The following LAMA2 variants were observed in gnomAD, a reference collection of about 807,000 sequenced individuals.
LAMA2 encodes laminin subunit alpha-2.
Under a neutral mutation model 364.8 loss-of-function variants are expected in LAMA2, and 269 were observed. The ratio of observed to expected loss-of-function variants is 0.74; its 90% CI spans 0.67 to 0.82. LAMA2 has a LOEUF of 0.82. LAMA2 is among the 40% of genes least tolerant of loss of function. LAMA2 has a pLI of 0.00. For missense variants in LAMA2, 3,807 were observed against 3,873.2 expected (o/e 0.98, Z 0.45); for synonymous variants, 1,379 against 1,370.6 (o/e 1.01, Z -0.14).
chr6:129,034,223 G>C (rs888391025), intron 1 of LAMA2, among the ~76,000 whole-genome samples: 3 of 151,984 alleles, frequency 2.0e-5, no homozygotes, highest in African/African-American at 7.2e-5. Flanking sequence ...TTGGTTTTTT[G>C]GAGTTTTTTT....
chr6:128,887,061 G>A (rs1582602147), intron 1 of LAMA2, among the ~76,000 whole-genome samples: 2 of 152,122 alleles, frequency 1.3e-5, no homozygotes, highest in East Asian at 3.8e-4. Context: ...ATAAAAATGT[G>A]TTTTTAAATC....
At position 129,050,080 on chromosome 6, in the gene LAMA2, A is replaced by G; in HGVS notation, c.275A>G (p.Asn92Ser). 1 of 1,614,196 alleles carries G rather than the reference A, an allele frequency of 6.2e-7. No individual in the cohort carries two copies. The highest frequency in any genetic ancestry group is 8.5e-7 in the Non-Finnish European group (1 of 1,180,014). Reference protein sequence around the residue: ...QCRICNQNSSNPNQRHPITNA... With the variant: ...QCRICNQNSSSPNQRHPITNA... ...CGAATCTGCAATCAAAACAGCAGCA[A>G]TCCAAACCGTATGTATTTTAGTGTG... The change falls in exon 2 of 65, where the codon AAT (asparagine) becomes AGT (serine). Residue 92 changes from asparagine (N) to serine (S), a missense_variant. Coordinates refer to ENST00000421865, the MANE Select transcript of LAMA2 (RefSeq NM_000426.4).
At chr6:129,329,269 CTCAGTGTTCTCT>C (rs1775483144) in intron 29 of LAMA2, among the ~76,000 whole-genome samples, 2 of 152,192 alleles carry the variant, frequency 1.3e-5, no homozygotes, top group African/African-American at 4.8e-5. Context: ...CTCCTCTTCC[CTCAGTGTTCTCT>C]TCATCATGCT....
Position 129,192,844 on chromosome 6 carries a change from G to A in LAMA2, c.1773G>A (p.Leu591=). ...ACTGGAGCGCGCCGGCTCCCTATCT[G>A]GGAAACAAAGTAAGTCCACGCTTGC... The part of the protein sequence containing the change: ...SYYWSAPAPY[L]GNKLPAVGGQ... The change falls in exon 12 of 65, where the codon CTG becomes CTA. Residue 591 remains leucine (L), a synonymous_variant. Transcript: ENST00000421865. 1 of 1,613,868 alleles carries A rather than the reference G, an allele frequency of 6.2e-7. No homozygotes were observed. The highest frequency in any genetic ancestry group is 8.5e-7 in the Non-Finnish European group (1 of 1,179,872).
chr6:129,209,894 C>G (rs977483831), intron 12 of LAMA2, among the ~76,000 whole-genome samples: 3 of 150,022 alleles, frequency 2.0e-5, no homozygotes, highest in Non-Finnish European at 2.9e-5. Context: ...ATCCCAGCTA[C>G]TCGGGAGGCT....
chr6:129,288,836 C>G (rs188691390), intron 19 of LAMA2, among the ~76,000 whole-genome samples: 9 of 152,286 alleles, frequency 5.9e-5, no homozygotes, highest in Middle Eastern at 3.4e-3. Flanking sequence ...ATTTGGCCAT[C>G]ATCAGCTTCA....
intron 1 of LAMA2, among the ~76,000 whole-genome samples, chr6:128,900,326 A>G (rs1777010791): frequency 3.3e-5 from 5 of 152,138 alleles, no homozygotes; most frequent in Admixed American, 3.3e-4. Flanking sequence ...AGAAAGGGGG[A>G]CAAGAAAAGA....
intron 15 of LAMA2, among the ~76,000 whole-genome samples, chr6:129,262,476 G>A (rs568384204): frequency 1.8e-4 from 27 of 151,934 alleles, no homozygotes; most frequent in African/African-American, 6.0e-4. Flanking sequence ...ATAGATAGAA[G>A]CATTTGAGTG....
intron 8 of LAMA2, among the ~76,000 whole-genome samples, chr6:129,161,893 A>G (rs935159235): frequency 3.3e-5 from 5 of 152,126 alleles, no homozygotes; most frequent in African/African-American, 1.2e-4. Flanking sequence ...TTCTTTATTC[A>G]GTCCACCAAT....
chr6:129,347,118 A>G (rs1583546152), intron 30 of LAMA2, among the ~76,000 whole-genome samples: 2 of 152,160 alleles, frequency 1.3e-5, no homozygotes. Context: ...AAAATCTTCC[A>G]GTGGCAAGAG....
intron 1 of LAMA2, among the ~76,000 whole-genome samples, chr6:128,933,952 C>A (rs935517548): frequency 6.6e-6 from 1 of 152,090 alleles, no homozygotes; most frequent in Non-Finnish European, 1.5e-5. Context: ...TGCAGTTACA[C>A]TTCTTTGTTT....
chr6:129,045,960 A>G (rs1458959544), intron 1 of LAMA2, among the ~76,000 whole-genome samples: 7 of 152,190 alleles, frequency 4.6e-5, no homozygotes, highest in South Asian at 2.1e-4. Flanking sequence ...AAAAGTGACA[A>G]TGCCCTGGTG....
In LAMA2 at chr6:129,382,447, T is replaced by C. The variant is rs541334095; in HGVS notation, c.4960-675T>C. Among the ~76,000 whole-genome samples the C allele has an allele frequency of 2.0e-5, 3 of 152,306 alleles. No individual in the cohort carries two copies. In the South Asian group the frequency reaches 6.2e-4, roughly 32 times the overall value. ...GAGGTGAATGTGCCTGAGAATACTC[T>C]TTGGGAGGTGGGGCTGTTTTGGGGT... On this transcript the variant is annotated intron_variant, in intron 34 of 64. Transcript: ENST00000421865.
At chr6:129,417,192 C>T (rs151048176) in intron 40 of LAMA2, among the ~76,000 whole-genome samples, 1 of 152,234 alleles carries the variant, frequency 6.6e-6, no homozygotes, top group Non-Finnish European at 1.5e-5. Flanking sequence ...GTTCTTGTCC[C>T]ACATCCTGGA....
At chr6:129,207,701 G>A (rs1311984672) in intron 12 of LAMA2, among the ~76,000 whole-genome samples, 5 of 152,134 alleles carry the variant, frequency 3.3e-5, no homozygotes, top group African/African-American at 4.8e-5. Context: ...GGAGCAAAAG[G>A]GTTATTTTTA....
chr6:129,445,906 C>G, intron 45 of LAMA2, 85 bp downstream of exon 45: 2 of 1,341,504 alleles, frequency 1.5e-6, no homozygotes, highest in Non-Finnish European at 2.1e-6. Flanking sequence ...CAGGATTCCC[C>G]GTTGAATGAT....
intron 9 of LAMA2, among the ~76,000 whole-genome samples, chr6:129,177,317 T>C (rs1009096710): frequency 6.6e-6 from 1 of 152,216 alleles, no homozygotes; most frequent in African/African-American, 2.4e-5. Context: ...AATAGTCTGG[T>C]GGAGCAGGCT....
At chr6:129,366,867 A>G (rs1223709229) in intron 33 of LAMA2, among the ~76,000 whole-genome samples, 2 of 152,202 alleles carry the variant, frequency 1.3e-5, no homozygotes, top group African/African-American at 2.4e-5. Flanking sequence ...AGAGCCCCCT[A>G]CAAAGGGTCC....
chr6:129,510,860 A>C (rs981359818), intron 62 of LAMA2, among the ~76,000 whole-genome samples: 1 of 152,082 alleles, frequency 6.6e-6, no homozygotes, highest in Middle Eastern at 3.2e-3. Context: ...AAACAGAAAA[A>C]CACAGGATAT....
Sources: allele counts gnomAD v4.1 joint callset (sites outside exome capture counted in the v4.1 genomes callset), GRCh38; gene constraint gnomAD v4.1.1; transcripts MANE v1.5; gene names NCBI Gene and HGNC (gene_info 2026-07-23, HGNC 2026-07-21).